The following NTAQ1 variants were observed in gnomAD, a reference collection of about 807,000 sequenced individuals.
NTAQ1 encodes the protein N-terminal glutamine amidase 1, also known as protein N-terminal glutamine amidohydrolase.
NTAQ1 carries 21 observed loss-of-function variants against 28.2 expected under a neutral mutation model. The observed-to-expected ratio is 0.74, with a 90% CI of 0.53 to 1.07. The LOEUF (loss-of-function observed/expected upper bound fraction) is 1.07, where lower values mean the gene tolerates loss of function less well. NTAQ1 is among the 50% of genes least tolerant of loss of function. NTAQ1 has a pLI of 0.00. For missense variants in NTAQ1, 264 were observed against 256.6 expected (o/e 1.03, Z -0.20); for synonymous variants, 105 against 90.0 (o/e 1.17, Z -0.94).
chr8:123,441,354 G>A lies in NTAQ1; in HGVS notation c.557G>A (p.Gly186Glu), dbSNP rs754249025. The change falls in exon 6 of 6, where the codon GGA (glycine) becomes GAA (glutamate). Residue 186 changes from glycine (G) to glutamate (E), a missense_variant. By Grantham distance (98) the Gly-to-Glu change is moderately conservative. Coordinates refer to ENST00000287387, the MANE Select transcript of NTAQ1 (RefSeq NM_018024.3). ...NDFISMDPKV[G>E]WGAVYTLSEF... ...TTCATCAGTATGGATCCCAAGGTAG[G>A]ATGGGGCGCCGTCTACACACTATCC... 2 of 1,612,396 alleles carry A rather than the reference G, an allele frequency of 1.2e-6. No homozygotes were observed. The highest frequency in any genetic ancestry group is 8.5e-7 in the Non-Finnish European group (1 of 1,179,182).
chr8:123,435,900 G>A (rs1444237639), intron 3 of NTAQ1, among the ~76,000 whole-genome samples: 1 of 151,566 alleles, frequency 6.6e-6, no homozygotes, highest in Admixed American at 6.6e-5. Flanking sequence ...AGGCACCGTG[G>A]CTCACACCTG....
rs150906781 is a variant in NTAQ1 at position 123,436,475 on chromosome 8, A to G, written c.257A>G (p.His86Arg). 3.1e-6 allele frequency: 5 copies of G among 1,612,660 alleles called. No homozygotes were observed. Among genetic ancestry groups the G allele is most frequent in the African/African-American group, 1.3e-5 (1 of 74,874 alleles). The change falls in exon 4 of 6, where the codon CAT (histidine) becomes CGT (arginine). Residue 86 changes from histidine (H) to arginine (R), a missense_variant. Coordinates refer to ENST00000287387, the MANE Select transcript of NTAQ1 (RefSeq NM_018024.3). Reference protein sequence around the residue: ...VIWDYHVVLLHVSSGGQNFIY... With the variant: ...VIWDYHVVLLRVSSGGQNFIY... Reference sequence around the variant, plus strand: ...TAGGATTACCATGTTGTTTTGCTTCATGTTTCAAGTGGAGGACAGAACTTC... The same window carrying G: ...TAGGATTACCATGTTGTTTTGCTTCGTGTTTCAAGTGGAGGACAGAACTTC...
downstream of NTAQ1, among the ~76,000 whole-genome samples, chr8:123,446,632 A>G (rs149556895): frequency 5.9e-5 from 9 of 152,218 alleles, no homozygotes; most frequent in Non-Finnish European, 1.2e-4. Context: ...TGTTTTATCC[A>G]ATTCGCGCAA....
intron 1 of NTAQ1, among the ~76,000 whole-genome samples, chr8:123,424,382 A>T (rs1428137095): frequency 2.0e-5 from 3 of 152,180 alleles, no homozygotes; most frequent in Middle Eastern, 3.4e-3. Context: ...AGCTGGGATT[A>T]CAGGTGCCTG....
intron 6 of NTAQ1, among the ~76,000 whole-genome samples, chr8:123,466,161 TTCCCAGAGATGGGAATCACC>T (rs1226090977): frequency 1.3e-5 from 2 of 151,518 alleles, no homozygotes; most frequent in Admixed American, 1.3e-4. Context: ...ACTGGAGAGG[TTCCCAGAGATGGGAATCACC>T]AAAGATCCCA....
downstream of NTAQ1, among the ~76,000 whole-genome samples, chr8:123,449,175 G>T (rs1161690363): frequency 6.6e-6 from 1 of 152,224 alleles, no homozygotes; most frequent in African/African-American, 2.4e-5. Context: ...TTCTGACTGA[G>T]TCTGGTATTT....
Position 123,424,847 on chromosome 8 carries a change from C to T in NTAQ1, c.84-3077C>T, listed in dbSNP as rs77653975. On this transcript the variant is annotated intron_variant, in intron 1 of 5. Transcript: ENST00000287387. ...TTTTATGGCCTTCTATGATGCTTGC[C>T]AGTTATGGATTTGTATGTCTCTGCT... Among the ~76,000 whole-genome samples, 3 of 152,112 alleles carry T rather than the reference C, an allele frequency of 2.0e-5. No individual in the cohort carries two copies. In the East Asian group the frequency reaches 5.8e-4, roughly 29 times the overall value.
At chr8:123,448,212 C>T (rs1815358426), downstream of NTAQ1, 1 of 152,198 alleles carries the variant, frequency 6.6e-6, no homozygotes, top group Non-Finnish European at 1.5e-5. Context: ...TTTTTTAAGT[C>T]ACAGAATTCT....
chr8:123,420,590 C>CTTTTTTTT (rs71310676), intron 1 of NTAQ1, among the ~76,000 whole-genome samples: 6 of 102,034 alleles, frequency 5.9e-5, no homozygotes, highest in African/African-American at 7.4e-5. Flanking sequence ...TATTTTTTGC[C>CTTTTTTTT]TTTTTTTTTT....
chr8:123,417,351 T>C (rs1271661434), intron 1 of NTAQ1, among the ~76,000 whole-genome samples: 2 of 152,144 alleles, frequency 1.3e-5, no homozygotes. Context: ...CAGCACTTGC[T>C]ATATGCCACG....
chr8:123,418,941 C>T (rs1364796938), intron 1 of NTAQ1, among the ~76,000 whole-genome samples: 1 of 152,158 alleles, frequency 6.6e-6, no homozygotes, highest in South Asian at 2.1e-4. Context: ...GTTATGACAA[C>T]CAAAAATGTC....
chr8:123,424,791 T>G (rs1048778561), intron 1 of NTAQ1, among the ~76,000 whole-genome samples: 4 of 152,190 alleles, frequency 2.6e-5, no homozygotes, highest in South Asian at 4.1e-4. Flanking sequence ...CCCTCCGAAT[T>G]AATGACACCC....
At chr8:123,473,033 G>A (rs1267244594), downstream of NTAQ1, among the ~76,000 whole-genome samples, 1 of 152,120 alleles carries the variant, frequency 6.6e-6, no homozygotes, top group African/African-American at 2.4e-5. Context: ...TGAGGGGATG[G>A]GAAGGTGTTC....
intron 5 of NTAQ1, among the ~76,000 whole-genome samples, chr8:123,440,287 C>T (rs1244386111): frequency 2.0e-5 from 3 of 149,448 alleles, no homozygotes; most frequent in African/African-American, 7.4e-5. Flanking sequence ...TCCCAAGTAG[C>T]TTGGATTCTA....
downstream of NTAQ1, among the ~76,000 whole-genome samples, chr8:123,452,302 A>G (rs117961772): frequency 1.8e-4 from 27 of 152,324 alleles, no homozygotes; most frequent in East Asian, 5.2e-3. Context: ...GCTTTTAATA[A>G]CATCCATTTA....
At position 123,416,784 on chromosome 8, in the gene NTAQ1, C is replaced by G; in HGVS notation, c.-66C>G. 6.9e-7 allele frequency: 1 copy of G among 1,456,284 alleles called. No individual in the cohort carries two copies. Among genetic ancestry groups the G allele is most frequent in the Non-Finnish European group, 9.1e-7 (1 of 1,098,658 alleles). 90.2% of individuals were successfully genotyped at this position (1,456,284 alleles called of 1,614,324 possible). On this transcript the variant is annotated 5_prime_UTR_variant, in exon 1 of 6. Transcript: ENST00000287387. ...GAACCCACGCGGGCCACTACAAGCC[C>G]GCCCTTTCCTACGTCTGGTCCAGTC...
intron 2 of NTAQ1, 78 bp downstream of exon 2, chr8:123,428,101 T>C: frequency 1.6e-6 from 1 of 642,566 alleles, no homozygotes; most frequent in Non-Finnish European, 2.5e-6. Context: ...AAAAAAAAGC[T>C]AAATATAGCA....
intron 6 of NTAQ1, among the ~76,000 whole-genome samples, chr8:123,463,582 T>C (rs759052035): frequency 2.6e-5 from 4 of 152,206 alleles, no homozygotes; most frequent in Non-Finnish European, 4.4e-5. Flanking sequence ...TAAATAGATA[T>C]CAGAATCCAA....
chr8:123,458,070 A>G (rs958889784), intron 6 of NTAQ1, among the ~76,000 whole-genome samples: 13 of 146,204 alleles, frequency 8.9e-5, no homozygotes, highest in Non-Finnish European at 1.5e-4. Context: ...ATAAAAAAAA[A>G]AAACAAATAA....
Sources: allele counts gnomAD v4.1 joint callset (sites outside exome capture counted in the v4.1 genomes callset), GRCh38; gene constraint gnomAD v4.1.1; transcripts MANE v1.5; gene names NCBI Gene and HGNC (gene_info 2026-07-23, HGNC 2026-07-21).